The following GDF1 variants were observed in gnomAD, a reference collection of about 807,000 sequenced individuals.
The protein encoded by GDF1 is growth differentiation factor 1.
A neutral mutation model predicts 7.4 loss-of-function variants in GDF1; 8 were observed. The ratio of observed to expected loss-of-function variants is 1.09; its 90% confidence interval spans 0.64 to 1.96. The LOEUF (loss-of-function observed/expected upper bound fraction) is 1.96. Among genes scored for constraint, GDF1 ranks in the 30% most tolerant of loss-of-function variants. GDF1 has a pLI of 0.00. For missense variants in GDF1, 574 were observed against 551.5 expected (o/e 1.04, Z -0.41); for synonymous variants, 311 against 276.7 (o/e 1.12, Z -1.23).
intron 1 of GDF1, among the ~76,000 whole-genome samples, chr19:18,894,492 C>G (rs1328804011): frequency 6.6e-6 from 1 of 152,082 alleles, no homozygotes; most frequent in Non-Finnish European, 1.5e-5. Context: ...CGAAATGGGG[C>G]GAGCACCCCA....
rs2055901097 is a variant in GDF1, at chr19:18,868,753, G to T, written c.963C>A (p.Arg321=). The change falls in exon 8 of 8, where the codon CGC becomes CGA. Residue 321 remains arginine, a synonymous_variant. Transcript: ENST00000247005. ...GPPALNHAVL[R]ALMHAAAPGA... is the part of the protein sequence containing the mutation. ...CCGGGGCGGCCGCGTGCATGAGCGC[G>T]CGCAGCACAGCGTGGTTGAGCGCCG... The T allele has an allele frequency of 6.6e-7, 1 of 1,516,608 alleles. No homozygotes were observed. The highest frequency in any genetic ancestry group is 1.2e-5 in the South Asian group (1 of 83,304). 93.9% of individuals were successfully genotyped at this position (1,516,608 alleles called of 1,614,324 possible). A position where few individuals can be genotyped will look rare whatever the true frequency, so the allele number is the denominator to read the frequency against.
intron 1 of GDF1, 78 bp from the exon 2 acceptor site, chr19:18,893,653 C>A: frequency 2.1e-6 from 3 of 1,412,782 alleles, no homozygotes; most frequent in South Asian, 1.3e-5. Context: ...GAAACTGAGG[C>A]CCAGGGACTC....
At chr19:18,882,406 G>A (rs2056233860) in intron 3 of GDF1, among the ~76,000 whole-genome samples, 1 of 151,582 alleles carries the variant, frequency 6.6e-6, no homozygotes, top group Admixed American at 6.6e-5. Flanking sequence ...GCCGAGGCAG[G>A]TGGATCACTT....
At chr19:18,893,665 C>A in intron 1 of GDF1, 90 bp from the exon 2 acceptor site, 1 of 1,347,000 alleles carries the variant, frequency 7.4e-7, no homozygotes, top group Admixed American at 2.1e-5. Context: ...CAGGGACTCC[C>A]CAGGCCGGGC....
chr19:18,888,204 C>T (rs970618161), intron 2 of GDF1, among the ~76,000 whole-genome samples: 1 of 151,650 alleles, frequency 6.6e-6, no homozygotes, highest in Non-Finnish European at 1.5e-5. Flanking sequence ...TACTAAAATA[C>T]TAAAATTAGC....
chr19:18,881,816 C>T (rs2056217374), intron 3 of GDF1: 2 of 152,216 alleles, frequency 1.3e-5, no homozygotes, highest in South Asian at 2.1e-4. Context: ...ACACCTAACA[C>T]CTGCAGCCAC....
In GDF1 at chr19:18,895,863, C is replaced by T. The variant is rs1382028402; in HGVS notation, c.-1113G>A. 5.4e-6 allele frequency: 7 copies of T among 1,294,608 alleles called. No homozygotes were observed. The highest frequency in any genetic ancestry group is 6.8e-6 in the Non-Finnish European group (7 of 1,021,914). The allele number at this position is 1,294,608 out of a possible 1,614,324, so 80.2% of individuals were successfully genotyped here. On this transcript the variant is annotated 5_prime_UTR_variant, in exon 1 of 8. The change creates a premature stop within an existing upstream ORF in the 5' untranslated region. Transcript: ENST00000247005. The surrounding 1 kb of genome is among the most constrained non-coding windows in gnomAD (Gnocchi z 6.4). ...CAGTGGCCGCGGAGCGCAGGGCGGT[C>T]CAGCCCAGCGCGCCGAGCGCCAGCA...
chr19:18,872,847 C>T (rs1036528773), intron 6 of GDF1, among the ~76,000 whole-genome samples: 1 of 152,088 alleles, frequency 6.6e-6, no homozygotes, highest in Non-Finnish European at 1.5e-5. Flanking sequence ...TGGGATTTCA[C>T]CACGTTGGCC....
At chr19:18,877,630 TG>T (rs1322279022) in intron 6 of GDF1, among the ~76,000 whole-genome samples, 3 of 151,772 alleles carry the variant, frequency 2.0e-5, no homozygotes, top group Non-Finnish European at 4.4e-5. Flanking sequence ...TGCATGCCTG[TG>T]GGCCCAGCTA....
At chr19:18,872,473 CA>C (rs1325016752) in intron 6 of GDF1, among the ~76,000 whole-genome samples, 27 of 151,604 alleles carry the variant, frequency 1.8e-4, no homozygotes, top group African/African-American at 6.3e-4. Flanking sequence ...TCAGCCTCCC[CA>C]GTAGCTGGGA....
chr19:18,870,116 G>A lies in GDF1; in HGVS notation c.192C>T (p.Arg64=). 1 of 1,568,314 alleles carries A rather than the reference G, an allele frequency of 6.4e-7. No individual in the cohort carries two copies. The highest frequency in any genetic ancestry group is 8.6e-7 in the Non-Finnish European group (1 of 1,162,226). ...CCTGGGGGTCCCGGCGTCGAAACAG[G>A]CGCCACATGACCGGGGGAACCGGCC... ...RLRPVPPVMW[R]LFRRRDPQET... Residue 64 remains arginine (R), a synonymous_variant, in exon 7 of 8, where the codon CGC becomes CGT. Coordinates refer to ENST00000247005, the MANE Select transcript of GDF1 (RefSeq NM_001492.6). This position sits in a 1 kb window ranked among gnomAD's most constrained non-coding sequence, Gnocchi z 5.1.
Position 18,879,364 on chromosome 19 carries a change from G to A in GDF1, c.-546C>T. ...TGGTGGCATACAGGACCTTGAGCGG[G>A]AACCAGTAGAGGCGGAACCAGAACC... On this transcript the variant is annotated 5_prime_UTR_variant, in exon 5 of 8. Coordinates refer to ENST00000247005, the MANE Select transcript of GDF1 (RefSeq NM_001492.6). 1 of 1,581,164 alleles carries A rather than the reference G, an allele frequency of 6.3e-7. No individual in the cohort carries two copies. Among genetic ancestry groups the A allele is most frequent in the Non-Finnish European group, 8.6e-7 (1 of 1,164,080 alleles).
intron 2 of GDF1, among the ~76,000 whole-genome samples, chr19:18,888,476 C>T (rs1292086923): frequency 7.1e-6 from 1 of 141,092 alleles, no homozygotes; most frequent in South Asian, 2.3e-4. Flanking sequence ...TGAGATCACA[C>T]CACCACACTC....
chr19:18,869,072 A>C lies in GDF1; in HGVS notation c.644T>G (p.Leu215Arg). Reference sequence around the variant, plus strand: ...GGCCCGGGGGCGTAGCGCCAGCGCCAGGCGGAGGCTGCGCGGCCATGAGGC... The same window carrying C: ...GGCCCGGGGGCGTAGCGCCAGCGCCCGGCGGAGGCTGCGCGGCCATGAGGC... The part of the protein sequence containing the change: ...RNASWPRSLR[L>R]ALALRPRAPA... The change falls in exon 8 of 8, where the codon CTG (leucine) becomes CGG (arginine). Residue 215 changes from leucine to arginine, a missense_variant. By Grantham distance (102) the Leu-to-Arg change is moderately radical (BLOSUM62 -2). Transcript: ENST00000247005. The C allele has an allele frequency of 1.9e-6, 2 of 1,058,880 alleles. No individual in the cohort carries two copies. The highest frequency in any genetic ancestry group is 2.3e-6 in the Non-Finnish European group (2 of 878,162). 65.6% of individuals were successfully genotyped at this position (1,058,880 alleles called of 1,614,324 possible).
At chr19:18,884,358 T>C in intron 2 of GDF1, 91 bp from the exon 3 acceptor site, 1 of 1,201,464 alleles carries the variant, frequency 8.3e-7, no homozygotes. Flanking sequence ...GCCACACGTG[T>C]CCTCCCAGTA....
rs747345121 is a variant in GDF1, at chr19:18,869,279, C to A, written c.437G>T (p.Arg146Leu). Residue 146 changes from arginine (R) to leucine (L), a missense_variant, in exon 8 of 8, where the codon CGC becomes CTC. Coordinates refer to ENST00000247005, the MANE Select transcript of GDF1 (RefSeq NM_001492.6). ...CGCCGCCGCGAAACGCAGCTCCAGG[C>A]GGGCCCGGCTCGGGCGCTCAGCGGG... ...VEPAERPSRA[R>L]LELRFAAAAA... 47 of 1,497,032 alleles carry A rather than the reference C, an allele frequency of 3.1e-5. No individual in the cohort carries two copies. The highest frequency in any genetic ancestry group is 8.8e-7 in the Non-Finnish European group (1 of 1,131,442). The allele number at this position is 1,497,032 out of a possible 1,614,324, so 92.7% of individuals were successfully genotyped here.
At chr19:18,892,979 C>T (rs138972036) in intron 2 of GDF1, among the ~76,000 whole-genome samples, 3,519 of 143,638 alleles carry the variant, frequency 0.024, 162 homozygotes, top group African/African-American at 0.086. Flanking sequence ...TGCAGTGGCG[C>T]GAACTCGGCT....
At chr19:18,884,432 T>C (rs74341062) in intron 2 of GDF1, among the ~76,000 whole-genome samples, 165 bp from the exon 3 acceptor site, 1 of 138,852 alleles carries the variant, frequency 7.2e-6, no homozygotes, top group African/African-American at 2.7e-5. Flanking sequence ...TTTTTTTTTT[T>C]CTTTGAGACG....
intron 6 of GDF1, among the ~76,000 whole-genome samples, chr19:18,872,107 A>T (rs1427678256): frequency 6.6e-6 from 1 of 152,156 alleles, no homozygotes; most frequent in African/African-American, 2.4e-5. Context: ...TAGTTTCTCC[A>T]CTCAGTTCCC....
Sources: allele counts gnomAD v4.1 joint callset (sites outside exome capture counted in the v4.1 genomes callset), GRCh38; gene constraint gnomAD v4.1.1; non-coding constraint Gnocchi (gnomAD v3.1); transcripts MANE v1.5; gene names NCBI Gene and HGNC (gene_info 2026-07-23, HGNC 2026-07-21).